Variants in CAND1 observed in about 807,000 individuals in gnomAD.
CAND1 encodes the protein cullin-associated NEDD8-dissociated protein 1.
CAND1 carries 7 observed loss-of-function variants against 108.5 expected under a neutral mutation model. The ratio of observed to expected loss-of-function variants is 0.06; its 90% CI spans 0.04 to 0.12. The LOEUF is 0.12. Ranked by LOEUF, CAND1 falls within the 10% of genes least tolerant of loss-of-function variation. The pLI is 1.00. For missense variants in CAND1, 941 were observed against 1,448.7 expected (o/e 0.65, Z 5.69); for synonymous variants, 534 against 512.0 (o/e 1.04, Z -0.58).
chr12:67,278,991 C>CA (rs2044595528), intron 1 of CAND1, among the ~76,000 whole-genome samples: 1 of 152,096 alleles, frequency 6.6e-6, no homozygotes, highest in Admixed American at 6.5e-5. Context: ...CTTATATCAG[C>CA]AAAAACTAGT....
chr12:67,276,561 A>C (rs915662954), intron 1 of CAND1, among the ~76,000 whole-genome samples: 6 of 152,156 alleles, frequency 3.9e-5, no homozygotes, highest in African/African-American at 1.2e-4. Flanking sequence ...CCTCTTAATA[A>C]ATTTTACAGG....
At chr12:67,287,764 G>A (rs2044685169) in intron 2 of CAND1, among the ~76,000 whole-genome samples, 1 of 150,684 alleles carries the variant, frequency 6.6e-6, no homozygotes, top group Non-Finnish European at 1.5e-5. Flanking sequence ...ACATATAAAG[G>A]TATATATTTT....
intron 2 of CAND1, among the ~76,000 whole-genome samples, chr12:67,287,380 A>G (rs7966031): frequency 0.039 from 5,969 of 152,250 alleles, 391 homozygotes; most frequent in African/African-American, 0.14. Flanking sequence ...CTTAAAAATA[A>G]GCTTGCTTGA....
Position 67,316,678 on chromosome 12 carries a change from T to G in CAND1, c.*3848T>G, listed in dbSNP as rs1217201183. The G allele has an allele frequency of 2.6e-5, 4 of 152,218 alleles. No homozygotes were observed. The highest frequency in any genetic ancestry group is 4.4e-5 in the Non-Finnish European group (3 of 68,044). The allele number at this position is 152,218 out of a possible 1,614,324, so 9.4% of individuals were successfully genotyped here. ...TGTCCTCTTCATAACTTTCTAGTGG[T>G]GATTTTAGCAAGTTTAATTATTTTG... On this transcript the variant is annotated 3_prime_UTR_variant, in exon 15 of 15. Coordinates refer to ENST00000545606, the MANE Select transcript of CAND1 (RefSeq NM_018448.5).
chr12:67,290,380 A>G (rs934828645), intron 2 of CAND1, among the ~76,000 whole-genome samples: 11 of 152,030 alleles, frequency 7.2e-5, no homozygotes, highest in Non-Finnish European at 1.6e-4. Flanking sequence ...ACATGTTGGT[A>G]TATACTTGTA....
chr12:67,293,058 A>C (rs1319725267), intron 3 of CAND1: 1 of 332,406 alleles, frequency 3.0e-6, no homozygotes, highest in African/African-American at 2.2e-5. Context: ...ATGACTGCAG[A>C]CTAGAGTTAT....
At position 67,299,238 on chromosome 12, in the gene CAND1, ATTAAG is replaced by A. The variant is rs1024173324; in HGVS notation, c.1000+147_1000+151del. The A allele has an allele frequency of 3.9e-6, 3 of 773,486 alleles. No homozygotes were observed. In the African/African-American group the frequency reaches 5.3e-5, roughly 14 times the overall value. The allele number at this position is 773,486 out of a possible 1,614,324, so 47.9% of individuals were successfully genotyped here. On this transcript the variant is annotated intron_variant, in intron 7 of 14. Transcript: ENST00000545606. ...TGATCTCAATATTTGACAACAGCAAATTAAGTTAGAGGGCATCCATGTATTGAACT... is the reference window on the plus strand; with the variant it reads ...TGATCTCAATATTTGACAACAGCAAATTAGAGGGCATCCATGTATTGAACT...
chr12:67,291,901 C>G (rs1384379121), intron 2 of CAND1, among the ~76,000 whole-genome samples: 2 of 152,146 alleles, frequency 1.3e-5, no homozygotes, highest in African/African-American at 4.8e-5. Flanking sequence ...AGAGTCTCCT[C>G]TGGCCCAGGC....
At chr12:67,280,149 T>C (rs775661) in intron 1 of CAND1, among the ~76,000 whole-genome samples, 112,847 of 151,770 alleles carry the variant, frequency 0.74, 42,890 homozygotes, top group African/African-American at 0.9. Context: ...TGTATTGCCC[T>C]AATGCAAATA....
chr12:67,299,894 T>C lies in CAND1; in HGVS notation c.1000+799T>C, dbSNP rs1343052967. On this transcript the variant is annotated intron_variant, in intron 7 of 14. Coordinates refer to ENST00000545606, the MANE Select transcript of CAND1 (RefSeq NM_018448.5). ...TTTAGTTTGATTCTTTGAATGAATT[T>C]ACATAACAGCTTTCCTGTCAAGTCA... is the stretch of plus-strand genomic sequence containing the variant. Among the ~76,000 whole-genome samples the C allele has an allele frequency of 2.0e-5, 3 of 152,200 alleles. No individual in the cohort carries two copies. In the East Asian group the frequency reaches 5.8e-4, roughly 29 times the overall value.
intron 7 of CAND1, among the ~76,000 whole-genome samples, chr12:67,299,871 T>C (rs564011695): frequency 1.1e-4 from 16 of 152,302 alleles, no homozygotes; most frequent in Middle Eastern, 3.4e-3. Context: ...GAATACTTTT[T>C]AGTTTGATTC....
intron 10 of CAND1, among the ~76,000 whole-genome samples, chr12:67,306,971 G>C (rs964187368): frequency 6.6e-6 from 1 of 152,016 alleles, no homozygotes; most frequent in African/African-American, 2.4e-5. Flanking sequence ...GGAAGATTCT[G>C]GAAGAGTTTT....
intron 4 of CAND1, 86 bp from the exon 5 acceptor site, chr12:67,297,321 A>G: frequency 8.1e-7 from 1 of 1,231,506 alleles, no homozygotes; most frequent in South Asian, 1.2e-5. Flanking sequence ...GAATATTTGC[A>G]TTGAGGTCAG....
At chr12:67,300,472 C>G (rs2044814332) in intron 7 of CAND1, among the ~76,000 whole-genome samples, 1 of 152,108 alleles carries the variant, frequency 6.6e-6, no homozygotes, top group African/African-American at 2.4e-5. Flanking sequence ...CCATCTCCCA[C>G]CTAACCTGTT....
In CAND1 at chr12:67,295,087, C is replaced by CA; in HGVS notation, c.424dup (p.Ile142AsnfsTer19). ...AAGATTACTGGACGTCTTACAAGTG[C>CA]AATAGCAAAACAGGAAGATGTCTCT... On this transcript the variant is annotated frameshift_variant, in exon 4 of 15. Coordinates refer to ENST00000545606, the MANE Select transcript of CAND1 (RefSeq NM_018448.5). LOFTEE classifies it high-confidence loss of function. The CA allele has an allele frequency of 6.2e-7, 1 of 1,612,982 alleles. No individual in the cohort carries two copies. Among genetic ancestry groups the CA allele is most frequent in the Non-Finnish European group, 8.5e-7 (1 of 1,179,226 alleles).
rs2044930686 is a variant in CAND1, at chr12:67,309,892, A to C, written c.3026-9A>C. On this transcript the variant is annotated splice_polypyrimidine_tract_variant and intron_variant, in intron 11 of 14. Transcript: ENST00000545606. ...ATGTCTGTCTGTTGCTTTTCTTGTA[A>C]TATTTCAGGTGATTTCCTAAAAACT... The C allele has an allele frequency of 6.3e-7, 1 of 1,582,738 alleles. No individual in the cohort carries two copies. The highest frequency in any genetic ancestry group is 1.4e-5 in the African/African-American group (1 of 73,326).
intron 2 of CAND1, among the ~76,000 whole-genome samples, chr12:67,290,125 T>G (rs2044709044): frequency 6.6e-6 from 1 of 152,236 alleles, no homozygotes; most frequent in South Asian, 2.1e-4. Context: ...TCCTAATTTG[T>G]TTCAATATGC....
chr12:67,302,452 C>T lies in CAND1; in HGVS notation c.1130C>T (p.Pro377Leu). The change falls in exon 8 of 15, where the codon CCT (proline) becomes CTT (leucine). Residue 377 changes from proline (P) to leucine (L), a missense_variant. This residue lies in a region of CAND1 where 697 missense variants were observed against 942.0 expected (regional missense o/e 0.74). Transcript: ENST00000545606. ...CCAGAATTCTACAAGACCGTCTCTCCTGCACTAATATCCAGATTTAAAGAG... is the reference window on the plus strand; with the variant it reads ...CCAGAATTCTACAAGACCGTCTCTCTTGCACTAATATCCAGATTTAAAGAG... Reference protein sequence around the residue: ...MLPEFYKTVSPALISRFKERE... With the variant: ...MLPEFYKTVSLALISRFKERE... 6.2e-7 allele frequency: 1 copy of T among 1,614,112 alleles called. No individual in the cohort carries two copies. Among genetic ancestry groups the T allele is most frequent in the Non-Finnish European group, 8.5e-7 (1 of 1,179,990 alleles).
Position 67,302,399 on chromosome 12 carries a change from T to C in CAND1, c.1077T>C (p.Ala359=), listed in dbSNP as rs1401643869. 2 of 1,614,136 alleles carry C rather than the reference T, an allele frequency of 1.2e-6. No individual in the cohort carries two copies. Among genetic ancestry groups the C allele is most frequent in the Non-Finnish European group, 1.7e-6 (2 of 1,179,938 alleles). The change falls in exon 8 of 15, where the codon GCT becomes GCC. Residue 359 remains alanine, a synonymous_variant. Coordinates refer to ENST00000545606, the MANE Select transcript of CAND1 (RefSeq NM_018448.5). ...GTGCAGCTGCGAAGTGCTTGGATGC[T>C]GTAGTTAGCACAAGGCATGAAATGC... is the stretch of plus-strand genomic sequence containing the variant. ...VRRAAAKCLD[A]VVSTRHEMLP...
Sources: gnomAD v4.1 joint callset for allele counts (sites outside exome capture counted in the v4.1 genomes callset) on GRCh38, gnomAD v4.1.1 for gene constraint, gnomAD v4.1.1 regional missense constraint, MANE v1.5 for transcripts, NCBI Gene and HGNC (gene_info 2026-07-23, HGNC 2026-07-21) for gene names.